The following NRP1 variants were observed in gnomAD, a reference collection of about 807,000 sequenced individuals.
The protein encoded by NRP1 is neuropilin-1.
A neutral mutation model predicts 106.7 loss-of-function variants in NRP1; 35 were observed. The ratio of observed to expected loss-of-function variants is 0.33; its 90% confidence interval spans 0.25 to 0.43. The LOEUF (loss-of-function observed/expected upper bound fraction) is 0.43, where lower values mean the gene tolerates loss of function less well. Ranked by LOEUF, NRP1 falls within the 20% of genes least tolerant of loss-of-function variation. NRP1 has a pLI of 1.00. For missense variants in NRP1, 1,024 were observed against 1,170.4 expected (o/e 0.87, Z 1.83); for synonymous variants, 437 against 417.9 (o/e 1.05, Z -0.56).
At position 33,256,371 on chromosome 10, in the gene NRP1, T is replaced by C; in HGVS notation, c.759A>G (p.Ile253Met). 6.2e-7 allele frequency: 1 copy of C among 1,614,218 alleles called. No homozygotes were observed. ...LSMVFYTDSA[I>M]AKEGFSANYS... ...AGTTTGCTGAGAAACCTTCTTTTGC[T>C]ATCGCGCTGTCGGTGTAAAAAACCA... The change falls in exon 5 of 17, where the codon ATA (isoleucine) becomes ATG (methionine). Residue 253 changes from isoleucine (I) to methionine (M), a missense_variant. Coordinates refer to ENST00000374867, the MANE Select transcript of NRP1 (RefSeq NM_003873.7).
intron 8 of NRP1, among the ~76,000 whole-genome samples, chr10:33,214,488 A>C (rs563106448): frequency 6.6e-6 from 1 of 152,258 alleles, no homozygotes; most frequent in South Asian, 2.1e-4. Flanking sequence ...AAGTACAAGA[A>C]AGCAACAGAA....
At position 33,256,302 on chromosome 10, in the gene NRP1, G is replaced by T; in HGVS notation, c.814+14C>A. 6.2e-7 allele frequency: 1 copy of T among 1,613,660 alleles called. No homozygotes were observed. Among genetic ancestry groups the T allele is most frequent in the Non-Finnish European group, 8.5e-7 (1 of 1,179,608 alleles). On this transcript the variant is annotated intron_variant, in intron 5 of 16. Coordinates refer to ENST00000374867, the MANE Select transcript of NRP1 (RefSeq NM_003873.7). The stretch of plus-strand genomic sequence containing the variant: ...TATTTACCACAGGGCTTTGCAAAAT[G>T]AATAAACACTGACCTTCTGAGACAC...
intron 2 of NRP1, among the ~76,000 whole-genome samples, chr10:33,283,383 G>A (rs1273104496): frequency 6.6e-6 from 1 of 152,134 alleles, no homozygotes; most frequent in Non-Finnish European, 1.5e-5. Context: ...AAGTCAGAAG[G>A]TGGGTGTATC....
At chr10:33,218,780 A>T (rs1350871411) in intron 8 of NRP1, among the ~76,000 whole-genome samples, 1 of 152,202 alleles carries the variant, frequency 6.6e-6, no homozygotes, top group Non-Finnish European at 1.5e-5. Context: ...CAAAATCCAG[A>T]TTGAATTGTG....
At chr10:33,242,108 T>G (rs1841068990) in intron 6 of NRP1, among the ~76,000 whole-genome samples, 1 of 151,936 alleles carries the variant, frequency 6.6e-6, no homozygotes, top group Admixed American at 6.5e-5. Context: ...CATATAGAGG[T>G]TGAATCCCAA....
At chr10:33,248,507 T>G (rs1841594516) in intron 6 of NRP1, among the ~76,000 whole-genome samples, 2 of 152,204 alleles carry the variant, frequency 1.3e-5, no homozygotes, top group African/African-American at 4.8e-5. Flanking sequence ...TCAATTCCAT[T>G]CAGCCCATCT....
chr10:33,249,660 C>T (rs569129386), intron 6 of NRP1: 19 of 365,612 alleles, frequency 5.2e-5, no homozygotes, highest in African/African-American at 3.8e-4. Context: ...AAAGGCAGGG[C>T]AGGCAAATTT....
intron 2 of NRP1, among the ~76,000 whole-genome samples, chr10:33,301,585 C>A (rs939950886): frequency 2.0e-5 from 3 of 152,104 alleles, no homozygotes; most frequent in African/African-American, 7.2e-5. Flanking sequence ...AAAAGACGAT[C>A]ACGGTCCACT....
chr10:33,276,365 A>G (rs1843697457), intron 2 of NRP1, among the ~76,000 whole-genome samples: 1 of 151,900 alleles, frequency 6.6e-6, no homozygotes, highest in Non-Finnish European at 1.5e-5. Context: ...GCTCTGTGTG[A>G]TATTTATTTT....
chr10:33,257,793 G>C (rs928687743), intron 4 of NRP1, among the ~76,000 whole-genome samples: 1 of 151,920 alleles, frequency 6.6e-6, no homozygotes, highest in East Asian at 1.9e-4. Flanking sequence ...CCTGATCATC[G>C]ACAAGCCACA....
chr10:33,259,707 G>A (rs935258825), intron 4 of NRP1, among the ~76,000 whole-genome samples: 1 of 152,198 alleles, frequency 6.6e-6, no homozygotes, highest in Admixed American at 6.5e-5. Context: ...TGCCTACAAC[G>A]GGCAATGGTG....
chr10:33,296,535 T>A (rs145973631), intron 2 of NRP1, among the ~76,000 whole-genome samples: 8 of 152,166 alleles, frequency 5.3e-5, no homozygotes, highest in African/African-American at 1.9e-4. Context: ...GGAGGGTTGA[T>A]CCCCAGCAGT....
chr10:33,330,505 A>C (rs529716453), intron 2 of NRP1, among the ~76,000 whole-genome samples: 2 of 152,322 alleles, frequency 1.3e-5, no homozygotes, highest in African/African-American at 4.8e-5. Flanking sequence ...TTACACATTT[A>C]ACTATAATCT....
At position 33,179,857 on chromosome 10, in the gene NRP1, G is replaced by A; in HGVS notation, c.*219C>T. 1.8e-6 allele frequency: 1 copy of A among 564,186 alleles called. No homozygotes were observed. The highest frequency in any genetic ancestry group is 3.2e-6 in the Non-Finnish European group (1 of 316,764). The allele number at this position is 564,186 out of a possible 1,614,324, so 34.9% of individuals were successfully genotyped here. On this transcript the variant is annotated 3_prime_UTR_variant, in exon 17 of 17. Coordinates refer to ENST00000374867, the MANE Select transcript of NRP1 (RefSeq NM_003873.7). ...AACACCAGCATCTGATTATTCAAAT[G>A]AAACCAACAGGAAAAAAGCTGACTG...
chr10:33,219,123 G>A (rs949667093), intron 8 of NRP1, among the ~76,000 whole-genome samples: 5 of 152,140 alleles, frequency 3.3e-5, no homozygotes, highest in African/African-American at 1.2e-4. Context: ...CATATGCTAG[G>A]TTCAATATAT....
At chr10:33,281,519 G>A (rs899251228) in intron 2 of NRP1, among the ~76,000 whole-genome samples, 1 of 152,116 alleles carries the variant, frequency 6.6e-6, no homozygotes, top group African/African-American at 2.4e-5. Context: ...CACCATCTTT[G>A]ACACCTCACA....
At chr10:33,280,597 A>G (rs1235427906) in intron 2 of NRP1, among the ~76,000 whole-genome samples, 2 of 152,226 alleles carry the variant, frequency 1.3e-5, no homozygotes, top group East Asian at 3.8e-4. Context: ...CCAGCCATCA[A>G]GAAGTGATAA....
intron 6 of NRP1, among the ~76,000 whole-genome samples, chr10:33,234,157 C>T (rs1209116273): frequency 1.3e-5 from 2 of 152,130 alleles, no homozygotes; most frequent in South Asian, 2.1e-4. Context: ...GCAACCTCTA[C>T]GTGTTAGGCA....
chr10:33,212,539 G>A (rs1838387078), intron 9 of NRP1: 1 of 152,244 alleles, frequency 6.6e-6, no homozygotes, highest in Non-Finnish European at 1.5e-5. Context: ...TGCTTAATGG[G>A]TGTAGAGTTT....
Sources: gnomAD v4.1 joint callset for allele counts (sites outside exome capture counted in the v4.1 genomes callset) on GRCh38, gnomAD v4.1.1 for gene constraint, MANE v1.5 for transcripts, NCBI Gene and HGNC (gene_info 2026-07-23, HGNC 2026-07-21) for gene names.